The following VCAN variants were observed in gnomAD, a reference collection of about 807,000 sequenced individuals.
The protein encoded by VCAN is versican.
A neutral mutation model predicts 245.5 loss-of-function variants in VCAN; 44 were observed. The ratio of observed to expected loss-of-function variants is 0.18; its 90% CI spans 0.14 to 0.23. The LOEUF is 0.23. VCAN is among the 10% of genes least tolerant of loss of function. The probability of loss-of-function intolerance (pLI) is 1.00; values close to 1 mark genes in which losing one functional copy is unlikely to be tolerated. For synonymous variants in VCAN, 1,413 were observed against 1,437.0 expected (o/e 0.98, Z 0.38); for missense variants, 3,793 against 4,057.9 (o/e 0.93, Z 1.77).
At chr5:83,478,624 A>T (rs2112334841) in intron 1 of VCAN, among the ~76,000 whole-genome samples, 1 of 152,356 alleles carries the variant, frequency 6.6e-6, no homozygotes, top group East Asian at 1.9e-4. Flanking sequence ...GTCAAAAATA[A>T]CATGGAAAAA....
At chr5:83,562,582 G>A (rs1035674896) in intron 12 of VCAN, among the ~76,000 whole-genome samples, 10 of 151,996 alleles carry the variant, frequency 6.6e-5, no homozygotes, top group Non-Finnish European at 1.5e-4. Flanking sequence ...ACAGTCTTCT[G>A]TGCAACTTTA....
intron 5 of VCAN, among the ~76,000 whole-genome samples, chr5:83,500,459 G>C (rs564224427): frequency 2.6e-5 from 4 of 152,298 alleles, no homozygotes; most frequent in African/African-American, 7.2e-5. Context: ...ATACAGTGTA[G>C]TGACTCCAGT....
In VCAN at chr5:83,580,136, C is replaced by T. The variant is rs1748616898; in HGVS notation, c.10037C>T (p.Ala3346Val). The T allele has an allele frequency of 6.2e-7, 1 of 1,613,940 alleles. No homozygotes were observed. The highest frequency in any genetic ancestry group is 1.3e-5 in the African/African-American group (1 of 74,922). The change falls in exon 14 of 15, where the codon GCT becomes GTT. Residue 3346 changes from alanine (A) to valine (V), a missense_variant. This residue lies in a region of VCAN where 205 missense variants were observed against 321.1 expected (regional missense o/e 0.64). Transcript: ENST00000265077. Reference protein sequence around the residue: ...TIRCLGNGRWAIPKITCMNPS... With the variant: ...TIRCLGNGRWVIPKITCMNPS... ...CGGTGCTTAGGAAATGGAAGATGGG[C>T]TATACCTAAAATTACCTGCATGAAC...
chr5:83,538,703 C>T lies in VCAN; in HGVS notation c.5700C>T (p.Thr1900=), dbSNP rs1196380019. 2.5e-6 allele frequency: 4 copies of T among 1,613,898 alleles called. No homozygotes were observed. The African/African-American group carries it at 5.3e-5, about 22-fold the overall frequency. Residue 1900 remains threonine (T), a synonymous_variant, in exon 8 of 15, where the codon ACC becomes ACT. Coordinates refer to ENST00000265077, the MANE Select transcript of VCAN (RefSeq NM_004385.5). ...VMDRVVAENI[T]QTSREIVISE... ...ACAGAGTAGTTGCTGAAAATATAAC[C>T]CAAACATCCAGGGAAATAGTGATTT...
intron 7 of VCAN, chr5:83,531,288 T>A (rs1446456165): frequency 1.3e-5 from 2 of 152,180 alleles, no homozygotes; most frequent in East Asian, 3.8e-4. Context: ...ACACAGTAAG[T>A]ACCATGAGTG....
chr5:83,561,653 ATCAG>A (rs939399404), intron 12 of VCAN, among the ~76,000 whole-genome samples: 1 of 152,144 alleles, frequency 6.6e-6, no homozygotes, highest in Non-Finnish European at 1.5e-5. Flanking sequence ...AAATAAACAC[ATCAG>A]TCTGTCAAGC....
rs572014279 is a variant in VCAN, at chr5:83,574,643, T to C, written c.9880+2083T>C. ...TTTGGGATTATGACTTTTGAGATTA[T>C]GTCTTTTGGGATTATAATTGTCACC... On this transcript the variant is annotated intron_variant, in intron 13 of 14. Coordinates refer to ENST00000265077, the MANE Select transcript of VCAN (RefSeq NM_004385.5). 6.0e-4 allele frequency among the ~76,000 whole-genome samples: 91 copies of C among 152,272 alleles called. 1 individual carries two copies. Among genetic ancestry groups the C allele is most frequent in the African/African-American group, 2.2e-3 (90 of 41,524 alleles).
At chr5:83,528,551 G>C (rs1442671597) in intron 7 of VCAN, among the ~76,000 whole-genome samples, 1 of 152,024 alleles carries the variant, frequency 6.6e-6, no homozygotes, top group Non-Finnish European at 1.5e-5. Flanking sequence ...AGCTTCTTGA[G>C]GAAGCAGTGT....
chr5:83,548,095 T>A lies in VCAN; in HGVS notation c.9493+11T>A, dbSNP rs1011306430. ...CACTTTGTGAGCAAGGTAAGAGCTA[T>A]TGCAACATTTGTATGATGAACATTA... On this transcript the variant is annotated intron_variant, in intron 10 of 14. Coordinates refer to ENST00000265077, the MANE Select transcript of VCAN (RefSeq NM_004385.5). 8.1e-6 allele frequency: 13 copies of A among 1,596,304 alleles called. No individual in the cohort carries two copies. The highest frequency in any genetic ancestry group is 1.3e-5 in the African/African-American group (1 of 74,484).
chr5:83,514,686 T>C (rs1745787076), intron 6 of VCAN, among the ~76,000 whole-genome samples: 1 of 152,196 alleles, frequency 6.6e-6, no homozygotes, highest in Non-Finnish European at 1.5e-5. Flanking sequence ...CTCGAACTCC[T>C]GACCTCAGGT....
At chr5:83,533,343 C>T (rs1746593250) in intron 7 of VCAN, among the ~76,000 whole-genome samples, 2 of 151,934 alleles carry the variant, frequency 1.3e-5, no homozygotes, top group African/African-American at 2.4e-5. Context: ...CAAAAGTTTC[C>T]CATTAAAATA....
At chr5:83,575,736 A>G (rs1748448567) in intron 13 of VCAN, among the ~76,000 whole-genome samples, 1 of 152,194 alleles carries the variant, frequency 6.6e-6, no homozygotes, top group Non-Finnish European at 1.5e-5. Flanking sequence ...ATATGTCTCC[A>G]GAAGAGGCAA....
chr5:83,560,301 A>G (rs1389758255), intron 12 of VCAN, among the ~76,000 whole-genome samples: 1 of 152,158 alleles, frequency 6.6e-6, no homozygotes, highest in Non-Finnish European at 1.5e-5. Context: ...CCAGATAGGC[A>G]CATATTCCGT....
Position 83,520,834 on chromosome 5 carries a change from T to C in VCAN, c.2528T>C (p.Ile843Thr). The C allele has an allele frequency of 6.2e-7, 1 of 1,614,122 alleles. No homozygotes were observed. ...GGGATGAATGGAAAGGATAAAGACA[T>C]CCCAAGTTTCACTGAAGATGGAGCA... Reference protein sequence around the residue: ...TVGMNGKDKDIPSFTEDGADE... With the variant: ...TVGMNGKDKDTPSFTEDGADE... The change falls in exon 7 of 15, where the codon ATC becomes ACC. Residue 843 changes from isoleucine (I) to threonine (T), a missense_variant. By Grantham distance (89) the Ile-to-Thr change is moderately conservative (BLOSUM62 -1). Coordinates refer to ENST00000265077, the MANE Select transcript of VCAN (RefSeq NM_004385.5).
rs1265242997 is a variant in VCAN at position 83,553,475 on chromosome 5, C to G, written c.9605C>G (p.Ala3202Gly). 1.2e-6 allele frequency: 2 copies of G among 1,614,084 alleles called. No homozygotes were observed. The highest frequency in any genetic ancestry group is 2.2e-5 in the South Asian group (2 of 91,080). ...AAERECRLQG[A>G]HLTSILSHEE... ...GAACGGGAATGCCGTCTGCAGGGTG[C>G]CCATCTCACAAGCATCCTGTCTCAC... is the stretch of plus-strand genomic sequence containing the variant. The change falls in exon 11 of 15, where the codon GCC becomes GGC. Residue 3202 changes from alanine to glycine, a missense_variant. Ala to Gly is a moderately conservative substitution (Grantham distance 60). Coordinates refer to ENST00000265077, the MANE Select transcript of VCAN (RefSeq NM_004385.5).
intron 8 of VCAN, among the ~76,000 whole-genome samples, chr5:83,542,596 G>T (rs1210414494): frequency 6.6e-6 from 1 of 152,092 alleles, no homozygotes; most frequent in Non-Finnish European, 1.5e-5. Context: ...TTTGTCATAT[G>T]TCTCATAGTT....
chr5:83,515,830 T>TG (rs1196759962), intron 6 of VCAN, among the ~76,000 whole-genome samples: 1 of 152,262 alleles, frequency 6.6e-6, no homozygotes, highest in Non-Finnish European at 1.5e-5. Context: ...GTTCATAATC[T>TG]GACCACATGT....
At chr5:83,481,191 GA>G (rs1190133735) in intron 1 of VCAN, among the ~76,000 whole-genome samples, 1 of 147,638 alleles carries the variant, frequency 6.8e-6, no homozygotes, top group Non-Finnish European at 1.5e-5. Flanking sequence ...TTTTCCTGAA[GA>G]AAAGTAGGAA....
chr5:83,565,778 G>A (rs1215496639), intron 12 of VCAN, among the ~76,000 whole-genome samples: 1 of 152,072 alleles, frequency 6.6e-6, no homozygotes, highest in East Asian at 1.9e-4. Context: ...GCTTCTGTAT[G>A]TGATGTGCAG....
Sources: gnomAD v4.1 joint callset for allele counts (sites outside exome capture counted in the v4.1 genomes callset) on GRCh38, gnomAD v4.1.1 for gene constraint, gnomAD v4.1.1 regional missense constraint, MANE v1.5 for transcripts, NCBI Gene and HGNC (gene_info 2026-07-23, HGNC 2026-07-21) for gene names.